The following PTPRR variants were observed in gnomAD, a reference collection of about 807,000 sequenced individuals.
PTPRR encodes receptor-type tyrosine-protein phosphatase R.
A neutral mutation model predicts 77.2 loss-of-function variants in PTPRR; 38 were observed. That is an observed-to-expected ratio of 0.49 (90% confidence interval 0.38 to 0.65). The LOEUF (loss-of-function observed/expected upper bound fraction) is 0.65. Ranked by LOEUF, PTPRR falls within the 30% of genes least tolerant of loss-of-function variation. The pLI, the probability that PTPRR is intolerant of heterozygous loss-of-function variation, is 0.00. For missense variants in PTPRR, 744 were observed against 799.2 expected (o/e 0.93, Z 0.83); for synonymous variants, 299 against 283.1 (o/e 1.06, Z -0.57).
Position 70,892,709 on chromosome 12 carries a change from G to A in PTPRR, c.327C>T (p.Leu109=). Residue 109 remains leucine (L), a synonymous_variant, in exon 2 of 14, where the codon CTC becomes CTT. Coordinates refer to ENST00000283228, the MANE Select transcript of PTPRR (RefSeq NM_002849.4). ...MDGQDLEVEN[L]PIPAANVIVV... ...CAATTACATTTGCTGCTGGGATTGGGAGATTTTCCACTTCAAGATCTTGAC... is the reference window on the plus strand; with the variant it reads ...CAATTACATTTGCTGCTGGGATTGGAAGATTTTCCACTTCAAGATCTTGAC... The A allele has an allele frequency of 2.5e-6, 4 of 1,613,280 alleles. No homozygotes were observed. Among genetic ancestry groups the A allele is most frequent in the Non-Finnish European group, 3.4e-6 (4 of 1,179,398 alleles).
chr12:70,696,702 A>G (rs1463428558), intron 8 of PTPRR, among the ~76,000 whole-genome samples: 1 of 152,126 alleles, frequency 6.6e-6, no homozygotes, highest in African/African-American at 2.4e-5. Context: ...TGCAACAATC[A>G]CTGTAAATCA....
At chr12:70,883,898 C>T (rs1893191064) in intron 2 of PTPRR, among the ~76,000 whole-genome samples, 1 of 152,214 alleles carries the variant, frequency 6.6e-6, no homozygotes, top group Admixed American at 6.5e-5. Context: ...TGTTGGTCCT[C>T]TTTCCACTTC....
At chr12:70,773,651 G>C (rs1891028927) in intron 2 of PTPRR, among the ~76,000 whole-genome samples, 1 of 152,140 alleles carries the variant, frequency 6.6e-6, no homozygotes, top group East Asian at 1.9e-4. Context: ...ATTTGAAATA[G>C]ATCTTTCTGT....
chr12:70,888,807 C>G (rs771981255), intron 2 of PTPRR, among the ~76,000 whole-genome samples: 6 of 152,072 alleles, frequency 3.9e-5, no homozygotes, highest in Middle Eastern at 3.2e-3. Context: ...CAGCTCAACA[C>G]AGACCTATTG....
intron 10 of PTPRR, among the ~76,000 whole-genome samples, chr12:70,681,944 G>T (rs553203966): frequency 1.3e-4 from 20 of 151,464 alleles, no homozygotes; most frequent in African/African-American, 4.8e-4. Flanking sequence ...ACTCAAGAGA[G>T]CCTTTTCGTT....
intron 1 of PTPRR, among the ~76,000 whole-genome samples, chr12:70,917,275 A>T (rs1050532453): frequency 1.3e-5 from 2 of 152,216 alleles, no homozygotes; most frequent in Admixed American, 6.5e-5. Context: ...ACAGTTAGGT[A>T]AAAAGTATTT....
At chr12:70,852,061 G>A (rs1892580573) in intron 2 of PTPRR, among the ~76,000 whole-genome samples, 1 of 152,120 alleles carries the variant, frequency 6.6e-6, no homozygotes, top group South Asian at 2.1e-4. Context: ...AGAATGCCCT[G>A]GAAGGAAGGC....
chr12:70,892,745 C>T lies in PTPRR; in HGVS notation c.291G>A (p.Leu97=), dbSNP rs779160343. The T allele has an allele frequency of 6.2e-7, 1 of 1,613,426 alleles. No homozygotes were observed. Among genetic ancestry groups the T allele is most frequent in the Admixed American group, 1.7e-5 (1 of 59,954 alleles). The change falls in exon 2 of 14, where the codon CTG becomes CTA. Residue 97 remains leucine (L), a synonymous_variant. Coordinates refer to ENST00000283228, the MANE Select transcript of PTPRR (RefSeq NM_002849.4). ...CTTCAAGATCTTGACCATCCATGGC[C>T]AGCAGATTGAGAGACGGGTCATATG... The part of the protein sequence containing the change: ...RPAYDPSLNL[L]AMDGQDLEVE...
At chr12:70,761,356 T>C (rs1890686586) in intron 4 of PTPRR, 115 bp downstream of exon 4, 4 of 1,012,836 alleles carry the variant, frequency 3.9e-6, no homozygotes, top group African/African-American at 3.2e-5. Context: ...GGGAAATTTT[T>C]ATTATCAAAT....
At chr12:70,860,564 C>T (rs1252854416) in intron 2 of PTPRR, among the ~76,000 whole-genome samples, 1 of 152,124 alleles carries the variant, frequency 6.6e-6, no homozygotes, top group Non-Finnish European at 1.5e-5. Context: ...TGTGTATGTG[C>T]TACCTTACTT....
At chr12:70,812,726 G>C (rs1372004083) in intron 2 of PTPRR, among the ~76,000 whole-genome samples, 1 of 152,182 alleles carries the variant, frequency 6.6e-6, no homozygotes. Context: ...TATCATCTTA[G>C]AGGTAAGAAA....
intron 2 of PTPRR, among the ~76,000 whole-genome samples, chr12:70,774,344 A>T (rs1480976521): frequency 6.6e-6 from 1 of 152,218 alleles, no homozygotes; most frequent in Non-Finnish European, 1.5e-5. Flanking sequence ...TCCCAGAGGC[A>T]TGATTAACTT....
intron 10 of PTPRR, among the ~76,000 whole-genome samples, chr12:70,670,700 T>G (rs1401941053): frequency 2.0e-5 from 3 of 152,332 alleles, no homozygotes; most frequent in African/African-American, 7.2e-5. Context: ...GTGCAAAAAC[T>G]ACTTGCCATT....
At chr12:70,839,280 T>C (rs1892354590) in intron 2 of PTPRR, among the ~76,000 whole-genome samples, 2 of 151,952 alleles carry the variant, frequency 1.3e-5, no homozygotes, top group East Asian at 3.9e-4. Flanking sequence ...TGAACTAATA[T>C]CCCATCTCAG....
At chr12:70,800,926 T>C (rs1565701568) in intron 2 of PTPRR, among the ~76,000 whole-genome samples, 1 of 151,916 alleles carries the variant, frequency 6.6e-6, no homozygotes, top group African/African-American at 2.4e-5. Context: ...ATTAATGACT[T>C]TTCCTAAGGC....
chr12:70,804,463 G>A (rs1232716955), intron 2 of PTPRR, among the ~76,000 whole-genome samples: 1 of 152,036 alleles, frequency 6.6e-6, no homozygotes, highest in Non-Finnish European at 1.5e-5. Flanking sequence ...GGAGGCTGAG[G>A]TGGGAGGATC....
chr12:70,693,415 G>A (rs2136760317), intron 8 of PTPRR, among the ~76,000 whole-genome samples: 1 of 152,194 alleles, frequency 6.6e-6, no homozygotes, highest in African/African-American at 2.4e-5. Context: ...TCCTGCCTCA[G>A]CCTCCCAAGT....
At chr12:70,872,370 A>G (rs567087253) in intron 2 of PTPRR, among the ~76,000 whole-genome samples, 25 of 151,982 alleles carry the variant, frequency 1.6e-4, no homozygotes, top group African/African-American at 6.0e-4. Context: ...CAAAGGAAAG[A>G]TAGCAGAAAC....
chr12:70,701,286 T>G lies in PTPRR; in HGVS notation c.1045A>C (p.Ser349Arg). 1 of 1,613,886 alleles carries G rather than the reference T, an allele frequency of 6.2e-7. No homozygotes were observed. Among genetic ancestry groups the G allele is most frequent in the Non-Finnish European group, 8.5e-7 (1 of 1,179,880 alleles). ...ACAAAGGGTTCAATGTTCCCCAAGC[T>G]ACTCATGTCCAATGTAAGAGATACG... ...SNVSLTLDMS[S>R]LGNIEPFVSI... is the part of the protein sequence containing the mutation. The change falls in exon 7 of 14, where the codon AGC (serine) becomes CGC (arginine). Residue 349 changes from serine (S) to arginine (R), a missense_variant. Physicochemically the swap from Ser to Arg is moderately radical, Grantham distance 110. Around this residue, in one of 3 missense-constraint regions of PTPRR, gnomAD observed 570 missense variants for 573.2 expected, o/e 0.99. Coordinates refer to ENST00000283228, the MANE Select transcript of PTPRR (RefSeq NM_002849.4).
Sources: allele counts gnomAD v4.1 joint callset (sites outside exome capture counted in the v4.1 genomes callset), GRCh38; gene constraint gnomAD v4.1.1; regional missense constraint gnomAD v4.1.1; transcripts MANE v1.5; gene names NCBI Gene and HGNC (gene_info 2026-07-23, HGNC 2026-07-21).